Variants in CDIN1 observed in about 807,000 individuals in gnomAD.
CDIN1 encodes CDAN1-interacting nuclease 1.
A neutral mutation model predicts 45.3 loss-of-function variants in CDIN1; 33 were observed. The observed-to-expected ratio is 0.73, with a 90% CI of 0.55 to 0.97. CDIN1 has a LOEUF of 0.97. Among genes scored for constraint, CDIN1 ranks in the 50% least tolerant of loss-of-function variants. The probability of loss-of-function intolerance (pLI) is 0.00; values close to 1 mark genes in which losing one functional copy is unlikely to be tolerated. For missense variants in CDIN1, 303 were observed against 339.4 expected (o/e 0.89, Z 0.84); for synonymous variants, 118 against 124.4 (o/e 0.95, Z 0.34).
At chr15:36,662,216 T>C (rs1407288985) in intron 5 of CDIN1, among the ~76,000 whole-genome samples, 1 of 152,198 alleles carries the variant, frequency 6.6e-6, no homozygotes, top group African/African-American at 2.4e-5. Context: ...CATTTGAAAC[T>C]GAGCCATACA....
intron 3 of CDIN1, among the ~76,000 whole-genome samples, chr15:36,646,972 CAT>C (rs1447579286): frequency 4.0e-5 from 6 of 150,428 alleles, no homozygotes; most frequent in Non-Finnish European, 7.4e-5. Context: ...GAAGTATGAA[CAT>C]ACTTTTGTTG....
chr15:36,610,412 T>C (rs2038592922), intron 1 of CDIN1, among the ~76,000 whole-genome samples: 1 of 152,354 alleles, frequency 6.6e-6, no homozygotes, highest in South Asian at 2.1e-4. Context: ...TAATGTATGA[T>C]TATCTAGACG....
intron 1 of CDIN1, among the ~76,000 whole-genome samples, chr15:36,614,415 A>G (rs1220952919): frequency 1.3e-5 from 2 of 152,268 alleles, no homozygotes; most frequent in Admixed American, 6.5e-5. Flanking sequence ...GCACCTTTGG[A>G]AACAACATTT....
At chr15:36,709,056 G>A (rs2042964099) in intron 8 of CDIN1, 167 bp from the exon 9 acceptor site, 2 of 472,266 alleles carry the variant, frequency 4.2e-6, no homozygotes, top group Admixed American at 3.9e-5. Context: ...TTACGCTTCA[G>A]TGTTGTTCAG....
chr15:36,683,083 A>G (rs1011730006), intron 5 of CDIN1, among the ~76,000 whole-genome samples: 1 of 152,240 alleles, frequency 6.6e-6, no homozygotes, highest in Admixed American at 6.5e-5. Context: ...AACAACAAAG[A>G]TGTTACTGAT....
At chr15:36,626,721 A>T (rs1201296270) in intron 1 of CDIN1, 1 of 432,616 alleles carries the variant, frequency 2.3e-6, no homozygotes, top group Admixed American at 2.5e-5. Flanking sequence ...TTCACCTGAA[A>T]ATATCCTTTC....
At chr15:36,672,569 A>G (rs1371465925) in intron 5 of CDIN1, among the ~76,000 whole-genome samples, 2 of 151,234 alleles carry the variant, frequency 1.3e-5, no homozygotes, top group Non-Finnish European at 2.9e-5. Context: ...CATGCTGAAC[A>G]CCTGTGTGTA....
intron 10 of CDIN1, among the ~76,000 whole-genome samples, chr15:36,711,315 T>A (rs780741875): frequency 1.2e-4 from 19 of 152,170 alleles, no homozygotes; most frequent in Admixed American, 2.6e-4. Flanking sequence ...CCAGCTTTGG[T>A]ACCAGTCATA....
At chr15:36,741,038 G>T (rs1034164996) in intron 10 of CDIN1, among the ~76,000 whole-genome samples, 1 of 152,156 alleles carries the variant, frequency 6.6e-6, no homozygotes, top group Non-Finnish European at 1.5e-5. Context: ...CTGGGCTCAA[G>T]CAATCTTCCT....
intron 6 of CDIN1, 25 bp downstream of exon 6, chr15:36,691,789 C>T: frequency 6.7e-7 from 1 of 1,495,422 alleles, no homozygotes. Context: ...TGTCTATTTT[C>T]AGTGGCAATG....
chr15:36,628,718 G>T (rs1164961925), intron 1 of CDIN1, among the ~76,000 whole-genome samples: 1 of 152,152 alleles, frequency 6.6e-6, no homozygotes, highest in Non-Finnish European at 1.5e-5. Flanking sequence ...AAGGCCAGAG[G>T]GTGGATGGTG....
In CDIN1 at chr15:36,586,796, G is replaced by T. The variant is rs114814172; in HGVS notation, c.101+6835G>T. The stretch of plus-strand genomic sequence containing the variant: ...AAACAAAATAAAACAAAACAAAATA[G>T]GATAATGTAGTAACTAATTTTGGAT... On this transcript the variant is annotated intron_variant, in intron 1 of 10. Transcript: ENST00000566621. 7.1e-4 allele frequency among the ~76,000 whole-genome samples: 108 copies of T among 152,264 alleles called. 1 individual carries two copies. Among genetic ancestry groups the T allele is most frequent in the African/African-American group, 2.5e-3 (102 of 41,562 alleles).
chr15:36,800,871 G>A (rs1435890971), intron 10 of CDIN1, among the ~76,000 whole-genome samples: 1 of 51,808 alleles, frequency 1.9e-5, no homozygotes, highest in African/African-American at 6.0e-5. Flanking sequence ...GTGTGTGTGT[G>A]TGTATATATG....
intron 1 of CDIN1, among the ~76,000 whole-genome samples, chr15:36,589,698 G>C (rs1448378243): frequency 6.6e-6 from 1 of 152,110 alleles, no homozygotes; most frequent in Non-Finnish European, 1.5e-5. Flanking sequence ...TAGAGACGGG[G>C]TTTCACCGTG....
chr15:36,713,379 A>G (rs1025710641), intron 10 of CDIN1, among the ~76,000 whole-genome samples: 1 of 152,076 alleles, frequency 6.6e-6, no homozygotes, highest in Non-Finnish European at 1.5e-5. Context: ...ACCAAAGTGC[A>G]CTTTGTTGAT....
Position 36,739,237 on chromosome 15 carries a change from A to C in CDIN1, c.716+29276A>C, listed in dbSNP as rs570988127. On this transcript the variant is annotated intron_variant, in intron 10 of 10. Transcript: ENST00000566621. Reference sequence around the variant, plus strand: ...CAAGACCCTGTTTCAACAACAACAAAAAACAAAAACAAATTTAAAAAGCCA... The same window carrying C: ...CAAGACCCTGTTTCAACAACAACAACAAACAAAAACAAATTTAAAAAGCCA... 2.2e-3 allele frequency among the ~76,000 whole-genome samples: 331 copies of C among 152,284 alleles called. 4 individuals carry two copies. Among genetic ancestry groups the C allele is most frequent in the African/African-American group, 7.8e-3 (324 of 41,542 alleles).
At chr15:36,733,842 G>A (rs1222336646) in intron 10 of CDIN1, among the ~76,000 whole-genome samples, 1 of 152,124 alleles carries the variant, frequency 6.6e-6, no homozygotes, top group Non-Finnish European at 1.5e-5. Flanking sequence ...GTGGTTTCAA[G>A]AACTGTCAGC....
chr15:36,685,267 C>T (rs1367797367), intron 5 of CDIN1, among the ~76,000 whole-genome samples: 2 of 151,816 alleles, frequency 1.3e-5, no homozygotes, highest in African/African-American at 4.8e-5. Flanking sequence ...CCCAGAGATT[C>T]TGGTATGTTG....
chr15:36,620,428 T>C (rs1010057360), intron 1 of CDIN1, among the ~76,000 whole-genome samples: 7 of 152,214 alleles, frequency 4.6e-5, no homozygotes, highest in Non-Finnish European at 7.3e-5. Flanking sequence ...GAAATATATT[T>C]CAGAGTCTTA....
Sources: gnomAD v4.1 joint callset for allele counts (sites outside exome capture counted in the v4.1 genomes callset) on GRCh38, gnomAD v4.1.1 for gene constraint, MANE v1.5 for transcripts, NCBI Gene and HGNC (gene_info 2026-07-23, HGNC 2026-07-21) for gene names.